The following CNTN5 variants were observed in gnomAD, a reference collection of about 807,000 sequenced individuals.
CNTN5 encodes the protein contactin-5.
CNTN5 carries 77 observed loss-of-function variants against 129.1 expected under a neutral mutation model. The ratio of observed to expected loss-of-function variants is 0.60; its 90% confidence interval spans 0.50 to 0.72. The LOEUF is 0.72. Ranked by LOEUF, CNTN5 falls within the 30% of genes least tolerant of loss-of-function variation. The pLI, the probability that CNTN5 is intolerant of heterozygous loss-of-function variation, is 0.00. For synonymous variants in CNTN5, 509 were observed against 465.6 expected, an observed-to-expected ratio of 1.09 and a Z score of -1.20; for missense variants, 1,478 against 1,328.8, an observed-to-expected ratio of 1.11 and a Z score of -1.75.
At position 99,469,258 on chromosome 11, in the gene CNTN5, T is replaced by G. The variant is rs1945075915; in HGVS notation, c.-70-86887T>G. Among the ~76,000 whole-genome samples, 7 of 152,256 alleles carry G rather than the reference T, an allele frequency of 4.6e-5. No homozygotes were observed. The South Asian group carries it at 1.4e-3, about 32-fold the overall frequency. On this transcript the variant is annotated intron_variant, in intron 2 of 24. Transcript: ENST00000524871. ...GTCAATGAATACGAAATTTGACATATTCCCAATTAATTGAGCAATTAATAA... is the reference window on the plus strand; with the variant it reads ...GTCAATGAATACGAAATTTGACATAGTCCCAATTAATTGAGCAATTAATAA...
chr11:100,035,212 C>A lies in CNTN5; in HGVS notation c.981-26000C>A, dbSNP rs922037869. Among the ~76,000 whole-genome samples, 7 of 49,100 alleles carry A rather than the reference C, an allele frequency of 1.4e-4. 1 individual carries two copies. The South Asian group carries it at 7.5e-3, about 52-fold the overall frequency. The allele number at this position is 49,100 out of a possible 152,430, so 32.2% of individuals were successfully genotyped here. On this transcript the variant is annotated intron_variant, in intron 9 of 24. Transcript: ENST00000524871. ...TTCAATTCCCACCTATGAGTGAGAACATGTGTGTTTGGGTTTTTGTCCTTG... is the reference window on the plus strand; with the variant it reads ...TTCAATTCCCACCTATGAGTGAGAAAATGTGTGTTTGGGTTTTTGTCCTTG...
At chr11:99,818,925 C>T (rs189109260) in intron 3 of CNTN5, among the ~76,000 whole-genome samples, 3 of 151,744 alleles carry the variant, frequency 2.0e-5, no homozygotes, top group Non-Finnish European at 4.4e-5. Flanking sequence ...TTTTTATGTA[C>T]CAGAGTGAAT....
intron 1 of CNTN5, among the ~76,000 whole-genome samples, chr11:99,116,204 G>A (rs1940516): frequency 0.36 from 54,321 of 151,886 alleles, 9,700 homozygotes; most frequent in Middle Eastern, 0.42. Context: ...GAAATTTCTT[G>A]TGTGTGAATT....
chr11:99,328,924 A>G (rs1865895607), intron 2 of CNTN5, among the ~76,000 whole-genome samples: 1 of 151,654 alleles, frequency 6.6e-6, no homozygotes, highest in South Asian at 2.1e-4. Context: ...AAACCTAGTA[A>G]GGTGAAACTA....
intron 12 of CNTN5, among the ~76,000 whole-genome samples, chr11:100,073,658 AAATT>A (rs893971433): frequency 1.3e-5 from 2 of 151,938 alleles, no homozygotes; most frequent in Non-Finnish European, 2.9e-5. Flanking sequence ...TCAATTTTAA[AAATT>A]AATTTTTAAA....
chr11:100,081,677 T>C (rs528569268), intron 13 of CNTN5, among the ~76,000 whole-genome samples: 2 of 152,310 alleles, frequency 1.3e-5, no homozygotes, highest in African/African-American at 4.8e-5. Context: ...ATTCATGGAT[T>C]CTGGAAATTA....
intron 8 of CNTN5, among the ~76,000 whole-genome samples, chr11:99,968,878 G>T (rs1353345134): frequency 2.0e-5 from 3 of 151,604 alleles, no homozygotes; most frequent in Admixed American, 2.0e-4. Context: ...AATATAAAAA[G>T]TTTGTATCAA....
intron 3 of CNTN5, among the ~76,000 whole-genome samples, chr11:99,668,597 C>T (rs983079618): frequency 9.9e-5 from 15 of 152,100 alleles, no homozygotes; most frequent in African/African-American, 2.4e-5. Flanking sequence ...TACTAGTTAT[C>T]GCTACCACAT....
At chr11:99,831,037 A>T (rs1313876693) in intron 4 of CNTN5, among the ~76,000 whole-genome samples, 1 of 152,158 alleles carries the variant, frequency 6.6e-6, no homozygotes, top group Non-Finnish European at 1.5e-5. Flanking sequence ...GAGAAAGAAT[A>T]ATGTCCACCT....
At chr11:99,277,098 T>A (rs956986476) in intron 1 of CNTN5, among the ~76,000 whole-genome samples, 15 of 151,688 alleles carry the variant, frequency 9.9e-5, no homozygotes, top group Non-Finnish European at 2.1e-4. Flanking sequence ...TTGAAAATCT[T>A]TGCTAATCAT....
chr11:99,871,423 T>G (rs1473497203), intron 6 of CNTN5, among the ~76,000 whole-genome samples: 1 of 152,062 alleles, frequency 6.6e-6, no homozygotes, highest in Admixed American at 6.6e-5. Context: ...ATTGCTGCCT[T>G]AATTGCTATT....
chr11:99,223,876 A>T (rs1041193183), intron 1 of CNTN5, among the ~76,000 whole-genome samples: 7 of 152,178 alleles, frequency 4.6e-5, no homozygotes, highest in African/African-American at 1.7e-4. Flanking sequence ...TCCTCTCTGG[A>T]TGTTCAGTTC....
At chr11:99,884,048 G>C (rs1161472929) in intron 6 of CNTN5, among the ~76,000 whole-genome samples, 1 of 152,152 alleles carries the variant, frequency 6.6e-6, no homozygotes, top group African/African-American at 2.4e-5. Flanking sequence ...CAAGTTGGAA[G>C]GTAGCTGTAA....
intron 2 of CNTN5, among the ~76,000 whole-genome samples, chr11:99,325,788 T>A (rs1221544037): frequency 1.3e-5 from 2 of 152,202 alleles, no homozygotes; most frequent in African/African-American, 4.8e-5. Flanking sequence ...TGGTATAAAA[T>A]GGCTGAAAAC....
chr11:100,159,877 C>T (rs1342019550), intron 13 of CNTN5, among the ~76,000 whole-genome samples: 1 of 151,782 alleles, frequency 6.6e-6, no homozygotes, highest in East Asian at 1.9e-4. Flanking sequence ...TTTCTTCAGG[C>T]AGTGTTTTTT....
intron 8 of CNTN5, among the ~76,000 whole-genome samples, chr11:99,991,426 C>A (rs1939089812): frequency 6.6e-6 from 1 of 152,148 alleles, no homozygotes; most frequent in African/African-American, 2.4e-5. Flanking sequence ...GAGATTGCAC[C>A]ACTGCACTCC....
At chr11:100,029,340 T>C (rs1018666955) in intron 9 of CNTN5, among the ~76,000 whole-genome samples, 3 of 151,894 alleles carry the variant, frequency 2.0e-5, no homozygotes, top group Non-Finnish European at 4.4e-5. Flanking sequence ...CCCAGCACTT[T>C]GGGAGGCTGA....
intron 1 of CNTN5, among the ~76,000 whole-genome samples, chr11:99,190,694 A>T (rs890408984): frequency 6.6e-6 from 1 of 151,532 alleles, no homozygotes; most frequent in Non-Finnish European, 1.5e-5. Flanking sequence ...AGAGAGTTCA[A>T]TGTTAGTGGA....
intron 13 of CNTN5, among the ~76,000 whole-genome samples, chr11:100,165,685 G>C (rs1235414950): frequency 7.5e-4 from 114 of 151,678 alleles, no homozygotes; most frequent in Non-Finnish European, 5.9e-5. Context: ...ACTGAGAGCG[G>C]GAGAGTGAAT....
Sources: allele counts gnomAD v4.1 joint callset (sites outside exome capture counted in the v4.1 genomes callset), GRCh38; gene constraint gnomAD v4.1.1; transcripts MANE v1.5; gene names NCBI Gene and HGNC (gene_info 2026-07-23, HGNC 2026-07-21).